Variants in EHMT1 observed in about 807,000 individuals in gnomAD.
EHMT1 encodes histone-lysine N-methyltransferase EHMT1.
Under a neutral mutation model 147.2 loss-of-function variants are expected in EHMT1, and 15 were observed. The ratio of observed to expected loss-of-function variants is 0.10; its 90% confidence interval spans 0.07 to 0.16. The LOEUF (loss-of-function observed/expected upper bound fraction) is 0.16. Ranked by LOEUF, EHMT1 falls within the 10% of genes least tolerant of loss-of-function variation. EHMT1 has a pLI of 1.00. For missense variants in EHMT1, 1,587 were observed against 1,772.4 expected (o/e 0.90, Z 1.88); for synonymous variants, 795 against 709.6 (o/e 1.12, Z -1.91).
At chr9:137,621,498 A>G (rs1355699066) in intron 1 of EHMT1, among the ~76,000 whole-genome samples, 1 of 152,152 alleles carries the variant, frequency 6.6e-6, no homozygotes, top group Non-Finnish European at 1.5e-5. Flanking sequence ...GGAGTTCGAG[A>G]CCAGTCTGGC....
intron 26 of EHMT1, 104 bp from the exon 27 acceptor site, chr9:137,834,669 C>G: frequency 1.3e-6 from 2 of 1,596,896 alleles, no homozygotes; most frequent in Non-Finnish European, 1.7e-6. Flanking sequence ...GGATGCGGCA[C>G]GGCAGATCGG....
At position 137,762,529 on chromosome 9, in the gene EHMT1, C is replaced by T. The variant is rs1039018988; in HGVS notation, c.1502-146C>T. ...CCAGGTGGTGGCCATCCCCGCCCCA[C>T]GCAGGGCTGTTTGTGCTGGGTAATC... On this transcript the variant is annotated intron_variant, in intron 9 of 26. Transcript: ENST00000460843. 40 of 1,409,568 alleles carry T rather than the reference C, an allele frequency of 2.8e-5. 1 individual carries two copies. In the South Asian group the frequency reaches 4.3e-4, roughly 15 times the overall value. 87.3% of individuals were successfully genotyped at this position (1,409,568 alleles called of 1,614,324 possible). A position where few individuals can be genotyped will look rare whatever the true frequency, so the allele number is the denominator to read the frequency against.
chr9:137,662,857 G>A (rs747207969), intron 1 of EHMT1, among the ~76,000 whole-genome samples: 2 of 150,188 alleles, frequency 1.3e-5, no homozygotes, highest in Middle Eastern at 3.5e-3. Context: ...GCAATGGTGC[G>A]ATCTCTGCTC....
Position 137,813,386 on chromosome 9 carries a change from G to C in EHMT1, c.3036G>C (p.Arg1012Ser), listed in dbSNP as rs886063738. The part of the protein sequence containing the change: ...RPSPVERIVS[R>S]DIARGYERIP... Reference sequence around the variant, plus strand: ...GTGACACCTGTCCTTTCCATGGCAGGGACATCGCTCGAGGCTACGAGCGCA... The same window carrying C: ...GTGACACCTGTCCTTTCCATGGCAGCGACATCGCTCGAGGCTACGAGCGCA... The change falls in exon 21 of 27, where the codon AGG becomes AGC. Residue 1012 changes from arginine to serine, a missense_variant and splice_region_variant. By Grantham distance (110) the Arg-to-Ser change is moderately radical. Transcript: ENST00000460843. This position sits in a 1 kb window ranked among gnomAD's most constrained non-coding sequence, Gnocchi z 4.9. 14 of 1,610,496 alleles carry C rather than the reference G, an allele frequency of 8.7e-6. No individual in the cohort carries two copies. Among genetic ancestry groups the C allele is most frequent in the Non-Finnish European group, 1.1e-5 (13 of 1,179,122 alleles).
At chr9:137,672,035 C>G (rs1046608430) in intron 1 of EHMT1, among the ~76,000 whole-genome samples, 2 of 152,220 alleles carry the variant, frequency 1.3e-5, no homozygotes, top group Non-Finnish European at 2.9e-5. Flanking sequence ...CAGGATTCTT[C>G]CAGGGCTCCG....
intron 3 of EHMT1, among the ~76,000 whole-genome samples, chr9:137,719,087 C>A (rs1945665846): frequency 6.6e-6 from 1 of 152,150 alleles, no homozygotes; most frequent in African/African-American, 2.4e-5. Context: ...ATACTGAATT[C>A]TATCTTGCGT....
chr9:137,789,050 T>C (rs1443876181), intron 15 of EHMT1: 1 of 152,512 alleles, frequency 6.6e-6, no homozygotes, highest in Non-Finnish European at 1.5e-5. Flanking sequence ...TTGGACTTTG[T>C]CTCAGTGCCC....
intron 4 of EHMT1, among the ~76,000 whole-genome samples, chr9:137,742,287 ATTTGTGTGTGTGTGTGTG>A (rs1436862629): frequency 1.1e-5 from 1 of 94,486 alleles, no homozygotes; most frequent in African/African-American, 4.6e-5. Flanking sequence ...GTAGAACCAA[ATTTGTGTGTGTGTGTGTG>A]TGTGTGTGTG....
At chr9:137,750,139 A>C (rs1948853129) in intron 6 of EHMT1, among the ~76,000 whole-genome samples, 1 of 152,230 alleles carries the variant, frequency 6.6e-6, no homozygotes, top group South Asian at 2.1e-4. Flanking sequence ...AGCTGACCTT[A>C]CATGTGATCA....
chr9:137,706,109 T>C (rs1944250540), intron 1 of EHMT1, among the ~76,000 whole-genome samples: 1 of 151,900 alleles, frequency 6.6e-6, no homozygotes. Context: ...GCTCTGCCAG[T>C]CAAGGCACAC....
At position 137,711,104 on chromosome 9, in the gene EHMT1, T is replaced by C; in HGVS notation, c.85+74T>C. On this transcript the variant is annotated intron_variant, in intron 2 of 26. Transcript: ENST00000460843. ...TAGAAAACCTGCTGCTCTTCCTCTC[T>C]TATTAGTCCCCGTCTTCTGACTTTC... 4 of 1,456,974 alleles carry C rather than the reference T, an allele frequency of 2.7e-6. No individual in the cohort carries two copies. The Admixed American group carries it at 8.2e-5, about 30-fold the overall frequency. 90.3% of individuals were successfully genotyped at this position (1,456,974 alleles called of 1,614,324 possible).
At chr9:137,791,107 T>C in intron 16 of EHMT1, 137 bp downstream of exon 16, 1 of 1,421,758 alleles carries the variant, frequency 7.0e-7, no homozygotes, top group Non-Finnish European at 9.8e-7. Flanking sequence ...AAATAGTTCC[T>C]TCATCTCACT....
Position 137,743,441 on chromosome 9 carries a change from G to A in EHMT1, c.894G>A (p.Leu298=), listed in dbSNP as rs758397921. Residue 298 remains leucine, a synonymous_variant, in exon 5 of 27, where the codon CTG becomes CTA. Transcript: ENST00000460843. ...KKKRRMGTYS[L]VPKKKTKVLK... ...AACGAAGAATGGGAACCTATAGCCT[G>A]GTTCCTAAGAAAAAGACCAAAGTAT... 3 of 1,613,314 alleles carry A rather than the reference G, an allele frequency of 1.9e-6. No individual in the cohort carries two copies. The Admixed American group carries it at 5.0e-5, about 27-fold the overall frequency.
intron 1 of EHMT1, among the ~76,000 whole-genome samples, chr9:137,676,715 G>A (rs1208691715): frequency 6.6e-6 from 1 of 152,194 alleles, no homozygotes; most frequent in African/African-American, 2.4e-5. Context: ...GGGGAAGTGG[G>A]TGGAGCCACA....
rs1947066431 is a variant in EHMT1, at chr9:137,731,050, A to G, written c.823+2521A>G. Among the ~76,000 whole-genome samples the G allele has an allele frequency of 6.6e-6, 1 of 152,192 alleles. No homozygotes were observed. Among genetic ancestry groups the G allele is most frequent in the Admixed American group, 6.5e-5 (1 of 15,270 alleles). On this transcript the variant is annotated intron_variant, in intron 4 of 26. Transcript: ENST00000460843. This position sits in a 1 kb window ranked among gnomAD's most constrained non-coding sequence, Gnocchi z 4.3. ...TAAAGTGTTGAGATTTTCTTTTCCT[A>G]TTTTAGCTTTATTATATCGCCATCT...
intron 16 of EHMT1, among the ~76,000 whole-genome samples, chr9:137,791,643 A>T (rs187947015): frequency 5.9e-5 from 9 of 152,218 alleles, no homozygotes; most frequent in Admixed American, 5.9e-4. Flanking sequence ...AAGACATCCC[A>T]TGTTCACAGA....
rs1954678565 is a variant in EHMT1 at position 137,813,686 on chromosome 9, A to G, written c.3180+156A>G. Reference sequence around the variant, plus strand: ...ATTCTCTTTGTAGTTGCCTCCCGTGAAAGAGCTGGAAGGCAGATAAAGGTT... The same window carrying G: ...ATTCTCTTTGTAGTTGCCTCCCGTGGAAGAGCTGGAAGGCAGATAAAGGTT... On this transcript the variant is annotated intron_variant, in intron 21 of 26. Transcript: ENST00000460843. This position sits in a 1 kb window ranked among gnomAD's most constrained non-coding sequence, Gnocchi z 4.9. Among the ~76,000 whole-genome samples the G allele has an allele frequency of 6.6e-6, 1 of 152,084 alleles. No homozygotes were observed. Among genetic ancestry groups the G allele is most frequent in the African/African-American group, 2.4e-5 (1 of 41,408 alleles).
At position 137,782,801 on chromosome 9, in the gene EHMT1, A is replaced by G. The variant is rs145678351; in HGVS notation, c.2382+404A>G. Among the ~76,000 whole-genome samples the G allele has an allele frequency of 6.3e-3, 956 of 152,220 alleles. 7 individuals are homozygous for G. The highest frequency in any genetic ancestry group is 0.016 in the African/African-American group (681 of 41,552). On this transcript the variant is annotated intron_variant, in intron 15 of 26. Coordinates refer to ENST00000460843, the MANE Select transcript of EHMT1 (RefSeq NM_024757.5). The surrounding 1 kb of genome is among the most constrained non-coding windows in gnomAD (Gnocchi z 5.7). Reference sequence around the variant, plus strand: ...ATTTTCAAGCTGAACCACGTCGTCTACAGGGTATGTTGTGTCTGTCGTTAA... The same window carrying G: ...ATTTTCAAGCTGAACCACGTCGTCTGCAGGGTATGTTGTGTCTGTCGTTAA...
At chr9:137,633,077 T>G (rs903893127) in intron 1 of EHMT1, among the ~76,000 whole-genome samples, 33 of 152,084 alleles carry the variant, frequency 2.2e-4, no homozygotes, top group South Asian at 8.3e-4. Context: ...GGCACAAGGA[T>G]GACTTGTGGG....
Sources: gnomAD v4.1 joint callset for allele counts (sites outside exome capture counted in the v4.1 genomes callset) on GRCh38, gnomAD v4.1.1 for gene constraint, Gnocchi (gnomAD v3.1) non-coding constraint, MANE v1.5 for transcripts, NCBI Gene and HGNC (gene_info 2026-07-23, HGNC 2026-07-21) for gene names.